The following GABRG3 variants were observed in gnomAD, a reference collection of about 807,000 sequenced individuals.
GABRG3 encodes gamma-aminobutyric acid receptor subunit gamma-3.
A neutral mutation model predicts 48.8 loss-of-function variants in GABRG3; 25 were observed. That is an observed-to-expected ratio of 0.51 (90% CI 0.37 to 0.72). The LOEUF (loss-of-function observed/expected upper bound fraction) is 0.72. Ranked by LOEUF, GABRG3 falls within the 30% of genes least tolerant of loss-of-function variation. The pLI, the probability that GABRG3 is intolerant of heterozygous loss-of-function variation, is 0.00. For synonymous variants in GABRG3, 227 were observed against 217.6 expected (o/e 1.04, Z -0.38); for missense variants, 394 against 577.9 (o/e 0.68, Z 3.26).
At chr15:27,261,612 T>C (rs1229933791) in intron 3 of GABRG3, among the ~76,000 whole-genome samples, 1 of 151,644 alleles carries the variant, frequency 6.6e-6, no homozygotes, top group East Asian at 1.9e-4. Context: ...TAAAATATTT[T>C]TAAAACATAT....
chr15:27,198,499 G>T (rs901176307), intron 3 of GABRG3, among the ~76,000 whole-genome samples: 1 of 152,222 alleles, frequency 6.6e-6, no homozygotes, highest in Non-Finnish European at 1.5e-5. Flanking sequence ...GGAAATAATA[G>T]ATGCTGGAGA....
intron 5 of GABRG3, among the ~76,000 whole-genome samples, chr15:27,466,818 CT>C (rs1465147698): frequency 6.6e-6 from 1 of 152,212 alleles, no homozygotes; most frequent in Non-Finnish European, 1.5e-5. Context: ...CCCCACCACC[CT>C]CTTTAGCAGC....
intron 6 of GABRG3, among the ~76,000 whole-genome samples, chr15:27,486,612 C>T (rs1890226372): frequency 1.3e-5 from 2 of 152,176 alleles, no homozygotes; most frequent in African/African-American, 4.8e-5. Context: ...CCACACTGTA[C>T]TTGAACATAT....
chr15:27,128,044 A>G (rs760625051), intron 3 of GABRG3, among the ~76,000 whole-genome samples: 8 of 152,180 alleles, frequency 5.3e-5, no homozygotes, highest in Non-Finnish European at 8.8e-5. Flanking sequence ...CATGACATAT[A>G]AAGGGAAACC....
intron 3 of GABRG3, among the ~76,000 whole-genome samples, chr15:27,078,031 A>G (rs1272072407): frequency 6.6e-6 from 1 of 152,216 alleles, no homozygotes; most frequent in Non-Finnish European, 1.5e-5. Context: ...CTGGCTGGAC[A>G]CACAGACGGG....
chr15:27,097,140 C>T lies in GABRG3; in HGVS notation c.270+70319C>T, dbSNP rs190925933. ...GTGCTGGGATTACAGGTGTGAGCCACCGCGCCTGGCCTTGAATGCTTTTCT... is the reference window on the plus strand; with the variant it reads ...GTGCTGGGATTACAGGTGTGAGCCATCGCGCCTGGCCTTGAATGCTTTTCT... On this transcript the variant is annotated intron_variant, in intron 3 of 9. Coordinates refer to ENST00000615808, the MANE Select transcript of GABRG3 (RefSeq NM_033223.5). 9.2e-5 allele frequency among the ~76,000 whole-genome samples: 14 copies of T among 152,152 alleles called. 1 individual carries two copies. The East Asian group carries it at 2.1e-3, about 23-fold the overall frequency.
chr15:27,520,156 G>A, intron 7 of GABRG3, 32 bp downstream of exon 7: 1 of 1,571,278 alleles, frequency 6.4e-7, no homozygotes, highest in Non-Finnish European at 8.6e-7. Context: ...CCACAAATTT[G>A]CGTAATTGTA....
At chr15:27,331,705 G>A (rs1264958960) in intron 5 of GABRG3, among the ~76,000 whole-genome samples, 3 of 152,184 alleles carry the variant, frequency 2.0e-5, no homozygotes, top group African/African-American at 7.2e-5. Flanking sequence ...TCAGTCCCTG[G>A]ACTTTGGGTG....
chr15:27,300,933 C>T (rs570956666), intron 3 of GABRG3, among the ~76,000 whole-genome samples: 1 of 151,390 alleles, frequency 6.6e-6, no homozygotes, highest in Admixed American at 6.6e-5. Flanking sequence ...CACCACTGTA[C>T]TCCAGCCTGG....
At chr15:27,216,048 A>G (rs1889235175) in intron 3 of GABRG3, among the ~76,000 whole-genome samples, 1 of 152,210 alleles carries the variant, frequency 6.6e-6, no homozygotes, top group African/African-American at 2.4e-5. Flanking sequence ...CATGCTATCA[A>G]GGAGACTCTG....
At chr15:27,114,793 T>C (rs1897613601) in intron 3 of GABRG3, among the ~76,000 whole-genome samples, 1 of 151,616 alleles carries the variant, frequency 6.6e-6, no homozygotes, top group South Asian at 2.1e-4. Context: ...CCCAAAGGAG[T>C]TATCATTCTT....
intron 3 of GABRG3, among the ~76,000 whole-genome samples, chr15:27,038,786 G>A (rs1566916701): frequency 6.6e-6 from 1 of 152,146 alleles, no homozygotes; most frequent in African/African-American, 2.4e-5. Context: ...GGGGAGTTGG[G>A]GATGTCAGAG....
intron 5 of GABRG3, among the ~76,000 whole-genome samples, chr15:27,444,120 A>G (rs1405621059): frequency 6.6e-6 from 1 of 152,148 alleles, no homozygotes; most frequent in African/African-American, 2.4e-5. Flanking sequence ...AATTTGTTGG[A>G]AACAGTTGAC....
chr15:27,524,645 T>C (rs1404435327), intron 7 of GABRG3, among the ~76,000 whole-genome samples: 1 of 152,004 alleles, frequency 6.6e-6, no homozygotes, highest in African/African-American at 2.4e-5. Context: ...ATTGGTAAAA[T>C]GTTAAATATG....
At chr15:27,068,328 G>A (rs1457277917) in intron 3 of GABRG3, among the ~76,000 whole-genome samples, 1 of 152,218 alleles carries the variant, frequency 6.6e-6, no homozygotes, top group Non-Finnish European at 1.5e-5. Context: ...ACTGCTGCAG[G>A]AGCCTGCGGC....
intron 3 of GABRG3, among the ~76,000 whole-genome samples, chr15:27,225,327 C>T (rs1292321234): frequency 2.6e-5 from 4 of 152,114 alleles, no homozygotes; most frequent in East Asian, 3.9e-4. Context: ...GAACTGGAGC[C>T]GCCACCTCCC....
chr15:27,159,550 TTCTTC>T (rs1898523031), intron 3 of GABRG3, among the ~76,000 whole-genome samples: 2 of 152,120 alleles, frequency 1.3e-5, no homozygotes, highest in Admixed American at 6.5e-5. Flanking sequence ...TTTAAGGGAT[TTCTTC>T]TCTTATTTTC....
At chr15:27,109,875 G>A (rs1336037286) in intron 3 of GABRG3, among the ~76,000 whole-genome samples, 1 of 152,016 alleles carries the variant, frequency 6.6e-6, no homozygotes, top group Non-Finnish European at 1.5e-5. Context: ...GAGCGAGACT[G>A]TGTCTCCAGT....
chr15:27,290,556 T>C (rs1359838376), intron 3 of GABRG3, among the ~76,000 whole-genome samples: 2 of 151,952 alleles, frequency 1.3e-5, no homozygotes, highest in African/African-American at 4.8e-5. Flanking sequence ...CACCTCTGTG[T>C]ATCCCCCCAG....
Sources: allele counts gnomAD v4.1 joint callset (sites outside exome capture counted in the v4.1 genomes callset), GRCh38; gene constraint gnomAD v4.1.1; transcripts MANE v1.5; gene names NCBI Gene and HGNC (gene_info 2026-07-23, HGNC 2026-07-21).